Variants in UGT1A8 observed in about 807,000 individuals in gnomAD.
UGT1A8 encodes the protein UDP-glucuronosyltransferase 1A8.
A neutral mutation model predicts 45.3 loss-of-function variants in UGT1A8; 39 were observed. The ratio of observed to expected loss-of-function variants is 0.86; its 90% CI spans 0.67 to 1.12. UGT1A8 has a LOEUF of 1.12. Among genes scored for constraint, UGT1A8 ranks in the 50% most tolerant of loss-of-function variants. The pLI is 0.00. For missense variants in UGT1A8, 719 were observed against 664.9 expected (o/e 1.08, Z -0.90); for synonymous variants, 275 against 249.2 (o/e 1.10, Z -0.97).
chr2:233,647,482 G>A (rs2073635129), intron 1 of UGT1A8, among the ~76,000 whole-genome samples: 1 of 152,106 alleles, frequency 6.6e-6, no homozygotes, highest in African/African-American at 2.4e-5. Flanking sequence ...TTCAGTGTTT[G>A]GTAGAATTTA....
chr2:233,755,067 T>C (rs1054820279), intron 1 of UGT1A8: 7 of 1,335,636 alleles, frequency 5.2e-6, no homozygotes, highest in Non-Finnish European at 7.0e-6. Flanking sequence ...CGCCTCGCCA[T>C]AGCGGTCATA....
chr2:233,636,373 A>T, intron 1 of UGT1A8: 1 of 1,288,624 alleles, frequency 7.8e-7, no homozygotes, highest in Non-Finnish European at 1.0e-6. Flanking sequence ...CTTATGAGTA[A>T]ATCATTGGCA....
chr2:233,749,994 T>C (rs551997072), intron 1 of UGT1A8, among the ~76,000 whole-genome samples: 1 of 151,898 alleles, frequency 6.6e-6, no homozygotes, highest in South Asian at 2.1e-4. Context: ...GACTAATATA[T>C]TAAATTGGTG....
intron 1 of UGT1A8, chr2:233,682,030 G>A (rs2125521969): frequency 1.9e-6 from 3 of 1,614,138 alleles, no homozygotes; most frequent in Middle Eastern, 1.7e-4. Context: ...TGCTGGTAGT[G>A]CCCATGGATG....
chr2:233,727,408 C>T (rs1347746935), intron 1 of UGT1A8, among the ~76,000 whole-genome samples: 2 of 152,116 alleles, frequency 1.3e-5, no homozygotes, highest in Non-Finnish European at 2.9e-5. Flanking sequence ...ACATGGGCCT[C>T]CTCAGGGTCT....
intron 1 of UGT1A8, chr2:233,682,246 A>T: frequency 6.2e-7 from 1 of 1,614,216 alleles, no homozygotes; most frequent in Non-Finnish European, 8.5e-7. Context: ...CACCATTGCG[A>T]AGTGCATTTT....
chr2:233,682,226 C>A, intron 1 of UGT1A8: 1 of 1,614,196 alleles, frequency 6.2e-7, no homozygotes. Flanking sequence ...TGCCGATGCT[C>A]GCTGGACGGC....
At chr2:233,662,490 T>A (rs775491901) in intron 1 of UGT1A8, among the ~76,000 whole-genome samples, 24 of 152,256 alleles carry the variant, frequency 1.6e-4, no homozygotes, top group Non-Finnish European at 2.6e-4. Flanking sequence ...ACTTATTGTA[T>A]CCTGCAACCA....
At position 233,618,158 on chromosome 2, in the gene UGT1A8, G is replaced by A. The variant is rs147392512; in HGVS notation, c.451G>A (p.Asp151Asn). 52 of 1,613,856 alleles carry A rather than the reference G, an allele frequency of 3.2e-5. 1 individual carries two copies. The Middle Eastern group carries it at 8.2e-4, about 26-fold the overall frequency. The change falls in exon 1 of 5, where the codon GAT becomes AAT. Residue 151 changes from aspartate to asparagine, a missense_variant. By Grantham distance (23) the Asp-to-Asn change is conservative (BLOSUM62 1). Transcript: ENST00000373450. ...TGATGCGGTGTTTCTTGATCCTTTT[G>A]ATGCCTGTGGCTTAATTGTTGCCAA... is the stretch of plus-strand genomic sequence containing the variant. The part of the protein sequence containing the change: ...SFDAVFLDPF[D>N]ACGLIVAKYF...
chr2:233,720,447 A>G lies in UGT1A8; in HGVS notation c.856-46587A>G, dbSNP rs148666216. Among the ~76,000 whole-genome samples the G allele has an allele frequency of 8.6e-4, 131 of 152,258 alleles. 1 individual carries two copies. The highest frequency in any genetic ancestry group is 3.8e-4 in the Non-Finnish European group (26 of 68,020). On this transcript the variant is annotated intron_variant, in intron 1 of 4. Coordinates refer to ENST00000373450, the MANE Select transcript of UGT1A8 (RefSeq NM_019076.5). ...GATAAGACCGTGAATCTATAAGCCC[A>G]GTGAAGCTGGGACCAGTGATGAATG...
chr2:233,639,929 CTT>C (rs199809969), intron 1 of UGT1A8, among the ~76,000 whole-genome samples: 173 of 152,322 alleles, frequency 1.1e-3, no homozygotes, highest in African/African-American at 3.9e-3. Context: ...GGAAGTCACT[CTT>C]AGTCTCTTTG....
At chr2:233,693,366 T>A (rs141940106) in intron 1 of UGT1A8, 160 of 1,614,102 alleles carry the variant, frequency 9.9e-5, no homozygotes, top group Non-Finnish European at 1.3e-4. Flanking sequence ...GTTATTGGCC[T>A]GTACTTCATC....
chr2:233,637,386 C>T (rs377653425), intron 1 of UGT1A8: 21 of 1,609,672 alleles, frequency 1.3e-5, no homozygotes, highest in Non-Finnish European at 1.7e-5. Context: ...TGGTAAGTCA[C>T]CTCTCCTTTA....
In UGT1A8 at chr2:233,772,286, C is replaced by T. The variant is rs1559419792; in HGVS notation, c.1320C>T (p.Leu440=). ...DKSYKENIMR[L]SSLHKDRPVE... ...GTTACAAGGAGAACATCATGCGCCT[C>T]TCCAGCCTTCACAAGGACCGCCCGG... The change falls in exon 5 of 5, where the codon CTC becomes CTT. Residue 440 remains leucine, a synonymous_variant. Transcript: ENST00000373450. 1 of 1,614,248 alleles carries T rather than the reference C, an allele frequency of 6.2e-7. No homozygotes were observed. The highest frequency in any genetic ancestry group is 8.5e-7 in the Non-Finnish European group (1 of 1,180,054).
intron 1 of UGT1A8, among the ~76,000 whole-genome samples, chr2:233,728,858 C>G (rs1482684625): frequency 1.3e-5 from 2 of 152,126 alleles, no homozygotes; most frequent in Admixed American, 6.5e-5. Context: ...GGATGAGAAA[C>G]AAGAGCTTGA....
chr2:233,719,465 C>T, intron 1 of UGT1A8: 3 of 1,613,994 alleles, frequency 1.9e-6, no homozygotes, highest in Non-Finnish European at 2.5e-6. Flanking sequence ...AGAACATGCT[C>T]TACCCTCTGG....
intron 1 of UGT1A8, among the ~76,000 whole-genome samples, chr2:233,666,227 A>C (rs375139520): frequency 2.4e-4 from 36 of 152,260 alleles, no homozygotes; most frequent in Non-Finnish European, 3.2e-4. Flanking sequence ...AAGTTCACTC[A>C]TTACTGGGAG....
intron 1 of UGT1A8, chr2:233,648,336 C>A: frequency 6.4e-6 from 3 of 466,394 alleles, no homozygotes; most frequent in African/African-American, 2.0e-5. Flanking sequence ...CGGTGGTCTT[C>A]GCCAGAGGAA....
At position 233,637,286 on chromosome 2, in the gene UGT1A8, C is replaced by T. The variant is rs45574333; in HGVS notation, c.855+18724C>T. ...CACACATCAATTTGGTTGTTGCGAA[C>T]GGACTTTGTTTTGGACTATCCCAAA... On this transcript the variant is annotated intron_variant, in intron 1 of 4. Transcript: ENST00000373450. The T allele has an allele frequency of 6.7e-4, 1,088 of 1,613,826 alleles. 8 individuals carry two copies. Among genetic ancestry groups the T allele is most frequent in the South Asian group, 1.0e-3 (91 of 91,068 alleles).
Sources: gnomAD v4.1 joint callset for allele counts (sites outside exome capture counted in the v4.1 genomes callset) on GRCh38, gnomAD v4.1.1 for gene constraint, MANE v1.5 for transcripts, NCBI Gene and HGNC (gene_info 2026-07-23, HGNC 2026-07-21) for gene names.